Variants in DCC observed in about 807,000 individuals in gnomAD.
DCC encodes the protein netrin receptor DCC.
Under a neutral mutation model 172.5 loss-of-function variants are expected in DCC, and 58 were observed. That is an observed-to-expected ratio of 0.34 (90% CI 0.27 to 0.42). The LOEUF is 0.42. Ranked by LOEUF, DCC falls within the 10% of genes least tolerant of loss-of-function variation. The pLI is 1.00. For synonymous variants in DCC, 709 were observed against 644.5 expected (o/e 1.10, Z -1.52); for missense variants, 1,740 against 1,791.0 (o/e 0.97, Z 0.51).
At chr18:53,139,497 G>A (rs765997165) in intron 7 of DCC, among the ~76,000 whole-genome samples, 1 of 152,082 alleles carries the variant, frequency 6.6e-6, no homozygotes, top group Non-Finnish European at 1.5e-5. Flanking sequence ...TTGTTTGGTT[G>A]GATTTTTTTC....
chr18:53,526,342 A>G (rs1262894395), intron 27 of DCC, among the ~76,000 whole-genome samples: 1 of 152,140 alleles, frequency 6.6e-6, no homozygotes, highest in Non-Finnish European at 1.5e-5. Context: ...TGAACAGTCC[A>G]GAGCTCCCAG....
intron 5 of DCC, among the ~76,000 whole-genome samples, chr18:52,941,500 G>A (rs1456369246): frequency 2.4e-5 from 3 of 125,166 alleles, no homozygotes; most frequent in African/African-American, 8.7e-5. Context: ...GTGTGTGTGT[G>A]TGTATATATA....
chr18:52,415,839 A>G (rs1987004492), intron 1 of DCC, among the ~76,000 whole-genome samples: 1 of 152,100 alleles, frequency 6.6e-6, no homozygotes, highest in Non-Finnish European at 1.5e-5. Flanking sequence ...TGGATTCATT[A>G]ATTTTTGAAG....
intron 2 of DCC, among the ~76,000 whole-genome samples, chr18:52,812,541 G>A (rs1266357562): frequency 1.3e-5 from 2 of 152,150 alleles, no homozygotes; most frequent in Non-Finnish European, 2.9e-5. Flanking sequence ...AACTTGGCAG[G>A]AAAGTTATCA....
chr18:52,875,229 C>CTT (rs34506336), intron 2 of DCC, among the ~76,000 whole-genome samples: 1 of 148,628 alleles, frequency 6.7e-6, no homozygotes, highest in East Asian at 2.0e-4. Flanking sequence ...AACAGCGAAA[C>CTT]TTTTTTTTTT....
chr18:53,386,554 A>G (rs1302950318), intron 16 of DCC, among the ~76,000 whole-genome samples: 1 of 152,100 alleles, frequency 6.6e-6, no homozygotes, highest in African/African-American at 2.4e-5. Flanking sequence ...GCTTCTCCAC[A>G]CAGGGTCTTT....
chr18:52,535,308 C>T (rs571184250), intron 1 of DCC, among the ~76,000 whole-genome samples: 8 of 152,300 alleles, frequency 5.3e-5, no homozygotes, highest in South Asian at 4.1e-4. Flanking sequence ...AAGCCTGGAA[C>T]GTGGAGCACT....
chr18:52,561,697 T>C (rs2033043117), intron 1 of DCC, among the ~76,000 whole-genome samples: 1 of 152,160 alleles, frequency 6.6e-6, no homozygotes, highest in Admixed American at 6.6e-5. Flanking sequence ...AAGAACTTCA[T>C]CCTTAGAGCT....
At chr18:52,469,115 T>C (rs1015369275) in intron 1 of DCC, among the ~76,000 whole-genome samples, 10 of 152,136 alleles carry the variant, frequency 6.6e-5, no homozygotes, top group Middle Eastern at 3.2e-3. Context: ...TGGAGTGCAG[T>C]GGCGCGATCT....
intron 12 of DCC, among the ~76,000 whole-genome samples, chr18:53,223,509 G>T (rs569072423): frequency 6.6e-6 from 1 of 152,126 alleles, no homozygotes. Flanking sequence ...ATACATTTTT[G>T]AAAAGTGGGA....
intron 14 of DCC, among the ~76,000 whole-genome samples, chr18:53,324,539 T>A (rs1388064338): frequency 6.6e-6 from 1 of 152,068 alleles, no homozygotes; most frequent in Non-Finnish European, 1.5e-5. Context: ...TCTGTTTAGA[T>A]GAAACATGAA....
rs375625133 is a variant in DCC, at chr18:52,421,035, C to T, written c.91+80157C>T. Among the ~76,000 whole-genome samples the T allele has an allele frequency of 6.5e-4, 99 of 152,078 alleles. 1 individual carries two copies. Among genetic ancestry groups the T allele is most frequent in the African/African-American group, 2.4e-3 (99 of 41,416 alleles). Reference sequence around the variant, plus strand: ...TTACTTTTGCTAAGTCATATTTTCACCTTATCGAATAATGATTCTCTTCAG... The same window carrying T: ...TTACTTTTGCTAAGTCATATTTTCATCTTATCGAATAATGATTCTCTTCAG... On this transcript the variant is annotated intron_variant, in intron 1 of 28. Coordinates refer to ENST00000442544, the MANE Select transcript of DCC (RefSeq NM_005215.4).
At chr18:53,119,398 C>T (rs907552890) in intron 7 of DCC, among the ~76,000 whole-genome samples, 1 of 151,772 alleles carries the variant, frequency 6.6e-6, no homozygotes, top group African/African-American at 2.4e-5. Flanking sequence ...TCAACTCTCT[C>T]ACCAGCAGAT....
chr18:53,122,426 A>G (rs1250439926), intron 7 of DCC, among the ~76,000 whole-genome samples: 1 of 152,052 alleles, frequency 6.6e-6, no homozygotes, highest in Non-Finnish European at 1.5e-5. Context: ...AGATAGCCCC[A>G]TAATCACCAC....
intron 1 of DCC, among the ~76,000 whole-genome samples, chr18:52,384,140 C>T (rs188446907): frequency 3.1e-4 from 47 of 152,086 alleles, no homozygotes; most frequent in Admixed American, 1.4e-3. Context: ...GTATAGTCAA[C>T]TTGTTTTTGA....
intron 5 of DCC, among the ~76,000 whole-genome samples, chr18:52,988,463 A>T (rs1036909330): frequency 6.6e-6 from 1 of 152,100 alleles, no homozygotes; most frequent in Non-Finnish European, 1.5e-5. Flanking sequence ...CTATAAGAGA[A>T]ATTCTTAACA....
chr18:52,972,961 A>T (rs955255245), intron 5 of DCC, among the ~76,000 whole-genome samples: 3 of 152,254 alleles, frequency 2.0e-5, no homozygotes, highest in Admixed American at 2.0e-4. Context: ...TCCAAACAAA[A>T]GAAGTAATCA....
chr18:52,603,262 G>T (rs1010433980), intron 1 of DCC, among the ~76,000 whole-genome samples: 2 of 152,034 alleles, frequency 1.3e-5, no homozygotes, highest in Admixed American at 6.6e-5. Flanking sequence ...ATGTGTGACA[G>T]GGTGGTTCTA....
intron 1 of DCC, among the ~76,000 whole-genome samples, chr18:52,590,188 A>T (rs1204650540): frequency 1.3e-5 from 2 of 150,486 alleles, no homozygotes; most frequent in Non-Finnish European, 3.0e-5. Context: ...TGTGTATGCA[A>T]TTATTTTAAA....
Sources: allele counts gnomAD v4.1 joint callset (sites outside exome capture counted in the v4.1 genomes callset), GRCh38; gene constraint gnomAD v4.1.1; transcripts MANE v1.5; gene names NCBI Gene and HGNC (gene_info 2026-07-23, HGNC 2026-07-21).